CDC16: variants seen among roughly 807,000 people sequenced by gnomAD.
CDC16 encodes the protein cell division cycle 16.
A neutral mutation model predicts 87.0 loss-of-function variants in CDC16; 34 were observed. That is an observed-to-expected ratio of 0.39 (90% CI 0.30 to 0.52). The LOEUF is 0.52. CDC16 is among the 20% of genes least tolerant of loss of function. CDC16 has a pLI of 0.74. For synonymous variants in CDC16, 263 were observed against 260.6 expected (o/e 1.01, Z -0.09); for missense variants, 653 against 751.9 (o/e 0.87, Z 1.54).
rs767614935 is a variant in CDC16 at position 114,272,492 on chromosome 13, C to G, written c.*49C>G. The stretch of plus-strand genomic sequence containing the variant: ...ACTGTCCCAGTGTAGGTTAGTATTC[C>G]TTCACATCCTCTCCATGGCTTAAGA... On this transcript the variant is annotated 3_prime_UTR_variant, in exon 18 of 18. Coordinates refer to ENST00000356221, the MANE Select transcript of CDC16 (RefSeq NM_001078645.3). The G allele has an allele frequency of 2.0e-6, 3 of 1,521,096 alleles. No individual in the cohort carries two copies. The highest frequency in any genetic ancestry group is 2.7e-6 in the Non-Finnish European group (3 of 1,110,150). The allele number at this position is 1,521,096 out of a possible 1,614,324, so 94.2% of individuals were successfully genotyped here.
chr13:114,245,897 C>T (rs2081841088), intron 9 of CDC16, 103 bp from the exon 10 acceptor site: 2 of 671,246 alleles, frequency 3.0e-6, no homozygotes, highest in Admixed American at 6.4e-5. Context: ...GAAATCATTG[C>T]TGTAAGAGCA....
At chr13:114,262,225 C>T (rs2082897963) in intron 15 of CDC16, among the ~76,000 whole-genome samples, 1 of 152,054 alleles carries the variant, frequency 6.6e-6, no homozygotes, top group Non-Finnish European at 1.5e-5. Context: ...AAATCCTATC[C>T]ATAGTCTGTT....
At chr13:114,264,950 A>T (rs1368331331) in intron 16 of CDC16, 200 bp from the exon 17 acceptor site, 2 of 491,380 alleles carry the variant, frequency 4.1e-6, no homozygotes, top group African/African-American at 2.0e-5. Context: ...GTAGATTTCC[A>T]GCATAAGAAA....
intron 16 of CDC16, chr13:114,264,791 AG>A (rs1002927992): frequency 5.6e-6 from 1 of 179,464 alleles, no homozygotes; most frequent in African/African-American, 2.4e-5. Flanking sequence ...TTTTTATTAG[AG>A]ACGGGGTTTC....
At chr13:114,246,900 C>T in intron 10 of CDC16, 31 bp from the exon 11 acceptor site, 1 of 1,410,038 alleles carries the variant, frequency 7.1e-7, no homozygotes. Context: ...CAATTCCAAT[C>T]TTTGTTTATG....
Position 114,246,001 on chromosome 13 carries a change from A to G in CDC16, c.849A>G (p.Glu283=). Reference sequence around the variant, plus strand: ...CTTTTTCTGCTTTTTCCTGAACAGAACTTTTCTATCTTTCTCATAAACTGG... The same window carrying G: ...CTTTTTCTGCTTTTTCCTGAACAGAGCTTTTCTATCTTTCTCATAAACTGG... ...GTLVELNKAN[E]LFYLSHKLVD... Residue 283 remains glutamate (E), a splice_region_variant and synonymous_variant, in exon 10 of 18, where the codon GAA becomes GAG. Transcript: ENST00000356221. 6.7e-7 allele frequency: 1 copy of G among 1,482,434 alleles called. No individual in the cohort carries two copies. 91.8% of individuals were successfully genotyped at this position (1,482,434 alleles called of 1,614,324 possible). A position where few individuals can be genotyped will look rare whatever the true frequency, so the allele number is the denominator to read the frequency against.
intron 11 of CDC16, among the ~76,000 whole-genome samples, chr13:114,248,096 A>G (rs2081968498): frequency 6.6e-6 from 1 of 152,232 alleles, no homozygotes; most frequent in Non-Finnish European, 1.5e-5. Context: ...GAACTGATTC[A>G]TGTAATGATT....
chr13:114,250,219 G>A (rs1299217351), intron 11 of CDC16, among the ~76,000 whole-genome samples: 1 of 152,042 alleles, frequency 6.6e-6, no homozygotes, highest in Non-Finnish European at 1.5e-5. Context: ...TAGGCTGGGC[G>A]CAGTGGCTCA....
At chr13:114,247,543 G>A (rs1170831832) in intron 11 of CDC16, among the ~76,000 whole-genome samples, 2 of 151,982 alleles carry the variant, frequency 1.3e-5, no homozygotes, top group Non-Finnish European at 2.9e-5. Context: ...AATCAGTGAT[G>A]TAGACCCTAT....
At chr13:114,258,198 TTAATA>T (rs2082627656) in intron 13 of CDC16, among the ~76,000 whole-genome samples, 1 of 152,192 alleles carries the variant, frequency 6.6e-6, no homozygotes, top group Non-Finnish European at 1.5e-5. Flanking sequence ...TAGTAATCTT[TTAATA>T]TAATACAGTA....
intron 3 of CDC16, among the ~76,000 whole-genome samples, chr13:114,237,384 A>C (rs998103537): frequency 9.2e-5 from 14 of 151,786 alleles, no homozygotes; most frequent in Admixed American, 1.3e-4. Context: ...CAGACTCCTG[A>C]GTTCAAGTGA....
Position 114,272,325 on chromosome 13 carries a change from C to A in CDC16, c.1745C>A (p.Pro582Gln), listed in dbSNP as rs1395443778. 6.2e-7 allele frequency: 1 copy of A among 1,614,208 alleles called. No individual in the cohort carries two copies. The highest frequency in any genetic ancestry group is 1.7e-5 in the Admixed American group (1 of 60,028). Reference protein sequence around the residue: ...KQTAEETGLTPLETSRKTPDS... With the variant: ...KQTAEETGLTQLETSRKTPDS... ...ACTGCAGAAGAAACGGGGCTTACGCCATTGGAAACCTCAAGGAAAACTCCA... is the reference window on the plus strand; with the variant it reads ...ACTGCAGAAGAAACGGGGCTTACGCAATTGGAAACCTCAAGGAAAACTCCA... Residue 582 changes from proline (P) to glutamine (Q), a missense_variant, in exon 18 of 18, where the codon CCA becomes CAA. Pro to Gln is a moderately conservative substitution (Grantham distance 76). Coordinates refer to ENST00000356221, the MANE Select transcript of CDC16 (RefSeq NM_001078645.3).
At chr13:114,245,216 T>C (rs187735674) in intron 9 of CDC16, among the ~76,000 whole-genome samples, 1 of 152,044 alleles carries the variant, frequency 6.6e-6, no homozygotes, top group Non-Finnish European at 1.5e-5. Flanking sequence ...ATATCATTTA[T>C]GTTTCAAGGT....
intron 14 of CDC16, 133 bp downstream of exon 14, chr13:114,259,531 T>A: frequency 1.9e-6 from 1 of 520,534 alleles, no homozygotes; most frequent in East Asian, 3.3e-5. Context: ...CGGCTGTTAA[T>A]GTTTGCATTG....
chr13:114,259,521 C>T (rs904106710), intron 14 of CDC16, 123 bp downstream of exon 14: 9 of 551,954 alleles, frequency 1.6e-5, no homozygotes, highest in East Asian at 9.7e-5. Flanking sequence ...TCATAACAAG[C>T]GGCTGTTAAT....
intron 7 of CDC16, 143 bp downstream of exon 7, chr13:114,243,491 A>T (rs982704838): frequency 2.4e-6 from 1 of 413,062 alleles, no homozygotes; most frequent in African/African-American, 5.8e-5. Context: ...TAAGATACAT[A>T]AGATTCCAAA....
intron 13 of CDC16, among the ~76,000 whole-genome samples, chr13:114,258,834 C>T (rs1222699054): frequency 6.6e-6 from 1 of 151,934 alleles, no homozygotes; most frequent in Non-Finnish European, 1.5e-5. Context: ...GCGGTGGCTC[C>T]CGTCTGTAAT....
intron 11 of CDC16, 115 bp from the exon 12 acceptor site, chr13:114,250,432 CAG>C: frequency 1.1e-6 from 1 of 876,444 alleles, no homozygotes; most frequent in Non-Finnish European, 1.7e-6. Flanking sequence ...GCGGAGGCTG[CAG>C]AGAGCCGAGA....
intron 11 of CDC16, among the ~76,000 whole-genome samples, chr13:114,247,661 T>G (rs1193330705): frequency 6.6e-6 from 1 of 152,102 alleles, no homozygotes; most frequent in Non-Finnish European, 1.5e-5. Flanking sequence ...GTGGATCACC[T>G]GAGGTCAGGA....
Sources: allele counts gnomAD v4.1 joint callset (sites outside exome capture counted in the v4.1 genomes callset), GRCh38; gene constraint gnomAD v4.1.1; transcripts MANE v1.5; gene names NCBI Gene and HGNC (gene_info 2026-07-23, HGNC 2026-07-21).